Variants in IL18BP observed in about 807,000 individuals in gnomAD.
The protein encoded by IL18BP is interleukin 18 binding protein.
A neutral mutation model predicts 19.9 loss-of-function variants in IL18BP; 23 were observed. That is an observed-to-expected ratio of 1.15 (90% CI 0.83 to 1.64). The LOEUF (loss-of-function observed/expected upper bound fraction) is 1.64. IL18BP is among the 40% of genes most tolerant of loss of function. The pLI is 0.00. For synonymous variants in IL18BP, 107 were observed against 101.0 expected (o/e 1.06, Z -0.35); for missense variants, 239 against 240.7 (o/e 0.99, Z 0.05).
downstream of IL18BP, chr11:72,005,356 G>A: frequency 6.2e-7 from 1 of 1,607,792 alleles, no homozygotes; most frequent in Non-Finnish European, 8.5e-7. Context: ...TGCCCATGTA[G>A]AAGCTGTTCC....
At chr11:72,002,923 G>C (rs190921526), downstream of IL18BP, 2 of 231,846 alleles carry the variant, frequency 8.6e-6, no homozygotes, top group Non-Finnish European at 1.7e-5. Context: ...ATCCATCCCC[G>C]GCCCTTAAAA....
downstream of IL18BP, chr11:72,004,154 G>C: frequency 6.2e-7 from 1 of 1,609,448 alleles, no homozygotes; most frequent in Admixed American, 1.7e-5. Context: ...CCAGGCCAGC[G>C]TGCTGTGCCA....
At chr11:72,004,548 G>A (rs1456253110), downstream of IL18BP, 22 of 1,365,964 alleles carry the variant, frequency 1.6e-5, no homozygotes, top group Non-Finnish European at 1.8e-5. Context: ...GGGAAGTGAG[G>A]GAAGGAGAGA....
downstream of IL18BP, chr11:72,007,595 T>A: frequency 1.1e-6 from 1 of 877,320 alleles, no homozygotes; most frequent in Admixed American, 2.5e-5. Context: ...GCACTTGACC[T>A]GGGCCTTCCT....
downstream of IL18BP, chr11:72,003,434 G>C (rs1955397975): frequency 2.4e-6 from 3 of 1,257,072 alleles, no homozygotes; most frequent in Non-Finnish European, 2.3e-6. Flanking sequence ...TGGCCTGGGA[G>C]CTGAGAGAAG....
chr11:72,006,693 T>C (rs1036729578), downstream of IL18BP, among the ~76,000 whole-genome samples: 21 of 152,190 alleles, frequency 1.4e-4, no homozygotes, highest in Non-Finnish European at 2.4e-4. Flanking sequence ...GCCCTTACCA[T>C]GTTCCAGAAC....
At chr11:72,004,917 C>A, downstream of IL18BP, 1 of 1,194,598 alleles carries the variant, frequency 8.4e-7, no homozygotes, top group Non-Finnish European at 1.1e-6. Context: ...CACTTATGGT[C>A]GGGACCCTTC....
chr11:72,003,417 C>T, downstream of IL18BP: 1 of 1,083,486 alleles, frequency 9.2e-7, no homozygotes, highest in Non-Finnish European at 1.4e-6. Flanking sequence ...AGGGGTTTGG[C>T]TACTGTTGGC....
downstream of IL18BP, chr11:72,004,442 G>T: frequency 8.0e-7 from 1 of 1,247,386 alleles, no homozygotes; most frequent in Non-Finnish European, 1.2e-6. Flanking sequence ...GTAAGTCAAC[G>T]TGCAACCTGC....
At chr11:72,004,392 G>A (rs1409461619), downstream of IL18BP, 52 of 1,515,862 alleles carry the variant, frequency 3.4e-5, no homozygotes, top group Non-Finnish European at 4.5e-5. Context: ...AGTCACATCT[G>A]AAGCCAGGTG....
chr11:72,008,103 G>T (rs1206659225), downstream of IL18BP: 1 of 479,216 alleles, frequency 2.1e-6, no homozygotes, highest in East Asian at 5.2e-5. Flanking sequence ...TCAGAGGGTT[G>T]TTGGGGGACA....
In IL18BP at chr11:72,002,061, GCCT is replaced by G. The variant is rs969028829; in HGVS notation, c.*210_*212del. On this transcript the variant is annotated 3_prime_UTR_variant, in exon 6 of 6. Transcript: ENST00000393703. The stretch of plus-strand genomic sequence containing the variant: ...TAGAAAATCACAGCCTCCTTATAAT[GCCT>G]CCTCCTCCTGCCATTCTCTCTCCAC... 1.3e-5 allele frequency: 9 copies of G among 701,488 alleles called. No homozygotes were observed. Among genetic ancestry groups the G allele is most frequent in the Non-Finnish European group, 1.9e-5 (8 of 412,594 alleles). 43.5% of individuals were successfully genotyped at this position (701,488 alleles called of 1,614,324 possible).
downstream of IL18BP, chr11:72,008,119 G>C: frequency 2.1e-6 from 1 of 479,302 alleles, no homozygotes; most frequent in South Asian, 1.5e-5. Context: ...GGACAAATCA[G>C]GTATAATTGT....
At chr11:72,005,272 G>A (rs762933959), downstream of IL18BP, 6 of 1,608,100 alleles carry the variant, frequency 3.7e-6, no homozygotes, top group African/African-American at 1.3e-5. Context: ...GATGTGGGGG[G>A]CACACTCGAT....
chr11:72,000,250 C>A, intron 2 of IL18BP, 101 bp from the exon 3 acceptor site: 2 of 1,119,474 alleles, frequency 1.8e-6, no homozygotes, highest in Admixed American at 1.7e-5. Context: ...CGCTCTGATT[C>A]CCTGGCTAGA....
chr11:72,005,821 C>G, downstream of IL18BP: 3 of 576,010 alleles, frequency 5.2e-6, no homozygotes, highest in South Asian at 6.8e-5. Context: ...GAATCCCGGG[C>G]CCTTAACTCT....
At chr11:72,007,477 G>A (rs1164578432), downstream of IL18BP, 1 of 1,605,948 alleles carries the variant, frequency 6.2e-7, no homozygotes, top group South Asian at 1.1e-5. Context: ...CTTCACGCTA[G>A]AAGGCATTTT....
chr11:72,003,584 A>G (rs778922551), downstream of IL18BP: 3 of 1,612,966 alleles, frequency 1.9e-6, no homozygotes, highest in Non-Finnish European at 2.5e-6. Flanking sequence ...TTGCGATACT[A>G]GCCTGCACCC....
chr11:71,999,787 T>C, intron 1 of IL18BP, 140 bp from the exon 2 acceptor site: 1 of 597,570 alleles, frequency 1.7e-6, no homozygotes, highest in Non-Finnish European at 3.0e-6. Context: ...GGATTGTCAC[T>C]TGACCCCCCC....
Sources: gnomAD v4.1 joint callset for allele counts (sites outside exome capture counted in the v4.1 genomes callset) on GRCh38, gnomAD v4.1.1 for gene constraint, MANE v1.5 for transcripts, NCBI Gene and HGNC (gene_info 2026-07-23, HGNC 2026-07-21) for gene names.